Variants in FGGY observed in about 807,000 individuals in gnomAD.
The protein encoded by FGGY is FGGY carbohydrate kinase domain-containing protein.
In FGGY, 72 loss-of-function variants were observed where a neutral mutation model predicts 71.3. The observed-to-expected ratio is 1.01, with a 90% confidence interval of 0.84 to 1.23. The LOEUF (loss-of-function observed/expected upper bound fraction) is 1.23, where lower values mean the gene tolerates loss of function less well. FGGY is among the 50% of genes most tolerant of loss of function. The probability of loss-of-function intolerance (pLI) is 0.00; values close to 1 mark genes in which losing one functional copy is unlikely to be tolerated. For missense variants in FGGY, 668 were observed against 682.3 expected (o/e 0.98, Z 0.23); for synonymous variants, 251 against 250.3 (o/e 1.00, Z -0.02).
Position 59,457,009 on chromosome 1 carries a change from C to T in FGGY, c.603C>T (p.Gly201=). The T allele has an allele frequency of 6.2e-7, 1 of 1,614,108 alleles. No individual in the cohort carries two copies. The change falls in exon 6 of 16, where the codon GGC becomes GGT. Residue 201 remains glycine (G), a synonymous_variant. Coordinates refer to ENST00000303721, the MANE Select transcript of FGGY (RefSeq NM_018291.5). ...AGTGGACATATTCAGCAGAGAAAGG[C>T]TGGGACGACAGTTTCTGGAAAATGA... The part of the protein sequence containing the change: ...VCKWTYSAEK[G]WDDSFWKMIG...
At position 59,434,143 on chromosome 1, in the gene FGGY, C is replaced by T. The variant is rs577029509; in HGVS notation, c.555-22818C>T. ...CTAGTATGATTTACTATCAGTATAC[C>T]TTTTGCACCCAAGAAAACTCTACAG... On this transcript the variant is annotated intron_variant, in intron 5 of 15. Transcript: ENST00000303721. 8.3e-3 allele frequency among the ~76,000 whole-genome samples: 1,265 copies of T among 152,274 alleles called. 6 individuals are homozygous for T. Among genetic ancestry groups the T allele is most frequent in the Non-Finnish European group, 0.014 (926 of 68,024 alleles).
At position 59,462,901 on chromosome 1, in the gene FGGY, G is replaced by A. The variant is rs1192116965; in HGVS notation, c.670+5825G>A. On this transcript the variant is annotated intron_variant, in intron 6 of 15. Transcript: ENST00000303721. Reference sequence around the variant, plus strand: ...CAACCATTGTGGAAGTCAGTGTGGTGATTCCTCAGGGATCTAGAACTAGAA... The same window carrying A: ...CAACCATTGTGGAAGTCAGTGTGGTAATTCCTCAGGGATCTAGAACTAGAA... 1.5e-4 allele frequency among the ~76,000 whole-genome samples: 23 copies of A among 151,740 alleles called. 1 individual carries two copies. The Middle Eastern group carries it at 0.014, about 90-fold the overall frequency.
chr1:59,593,150 G>A (rs1039581673), intron 8 of FGGY, among the ~76,000 whole-genome samples: 6 of 152,172 alleles, frequency 3.9e-5, no homozygotes, highest in South Asian at 4.1e-4. Flanking sequence ...CACAAGAACC[G>A]TCAGCAGCAG....
In FGGY at chr1:59,516,105, A is replaced by T. The variant is rs571757654; in HGVS notation, c.799+3666A>T. On this transcript the variant is annotated intron_variant, in intron 7 of 15. Coordinates refer to ENST00000303721, the MANE Select transcript of FGGY (RefSeq NM_018291.5). ...TTATTATGCCTTCTTATGCCTTCTT[A>T]TGCCTCTTTCTTTACCCTTCACCTT... Among the ~76,000 whole-genome samples the T allele has an allele frequency of 3.7e-4, 52 of 141,764 alleles. No homozygotes were observed. The South Asian group carries it at 3.9e-3, about 11-fold the overall frequency. The allele number at this position is 141,764 out of a possible 152,430, so 93.0% of individuals were successfully genotyped here.
At chr1:59,638,708 T>G (rs564307407) in intron 11 of FGGY, among the ~76,000 whole-genome samples, 53 of 152,376 alleles carry the variant, frequency 3.5e-4, no homozygotes, top group African/African-American at 1.3e-3. Flanking sequence ...ATCTTTAGGT[T>G]GCCCAGTAAA....
chr1:59,325,197 CA>C (rs11439290), intron 2 of FGGY, among the ~76,000 whole-genome samples: 9 of 149,828 alleles, frequency 6.0e-5, no homozygotes, highest in Non-Finnish European at 8.9e-5. Flanking sequence ...ACTAAAAATA[CA>C]AAAAAAAAAT....
At chr1:59,664,622 C>T (rs1227563312) in intron 12 of FGGY, among the ~76,000 whole-genome samples, 1 of 152,176 alleles carries the variant, frequency 6.6e-6, no homozygotes, top group African/African-American at 2.4e-5. Context: ...ATTGCTTAGT[C>T]AAATTATATA....
At chr1:59,709,466 T>TCACACACACACACACACA (rs111353878) in intron 14 of FGGY, among the ~76,000 whole-genome samples, 3 of 142,664 alleles carry the variant, frequency 2.1e-5, no homozygotes, top group African/African-American at 7.9e-5. Context: ...TGAAACTATA[T>TCACACACACACACACACA]CACACACACA....
At chr1:59,375,515 T>C (rs1281198908) in intron 4 of FGGY, among the ~76,000 whole-genome samples, 2 of 152,168 alleles carry the variant, frequency 1.3e-5, no homozygotes, top group African/African-American at 4.8e-5. Context: ...TTATTTCTAG[T>C]TGCTCATCCC....
At chr1:59,436,314 T>C (rs2068457877) in intron 5 of FGGY, among the ~76,000 whole-genome samples, 1 of 152,174 alleles carries the variant, frequency 6.6e-6, no homozygotes, top group Admixed American at 6.5e-5. Context: ...TGTCTCTTCA[T>C]TGTCCCTGAA....
At chr1:59,392,740 A>C (rs1361914712) in intron 5 of FGGY, among the ~76,000 whole-genome samples, 3 of 151,934 alleles carry the variant, frequency 2.0e-5, no homozygotes, top group Non-Finnish European at 4.4e-5. Context: ...CTTCTTTTAA[A>C]ATTTTTCTTC....
chr1:59,483,490 T>C (rs1569818566), intron 6 of FGGY, among the ~76,000 whole-genome samples: 1 of 152,320 alleles, frequency 6.6e-6, no homozygotes, highest in African/African-American at 2.4e-5. Flanking sequence ...CTCTAGGATT[T>C]GTGATTATGA....
At chr1:59,644,625 C>A (rs1188093960) in intron 11 of FGGY, among the ~76,000 whole-genome samples, 1 of 151,898 alleles carries the variant, frequency 6.6e-6, no homozygotes, top group African/African-American at 2.4e-5. Flanking sequence ...ACGCCCCCCC[C>A]CACCCAAAGA....
intron 15 of FGGY, among the ~76,000 whole-genome samples, chr1:59,758,233 C>A (rs1223267242): frequency 1.3e-5 from 2 of 152,086 alleles, no homozygotes; most frequent in Non-Finnish European, 2.9e-5. Flanking sequence ...GTTCTTTTTC[C>A]CAGGTAATTG....
chr1:59,357,511 G>A (rs1371695697), intron 4 of FGGY, among the ~76,000 whole-genome samples: 1 of 152,128 alleles, frequency 6.6e-6, no homozygotes, highest in East Asian at 1.9e-4. Flanking sequence ...ATCAAATCTT[G>A]GTGAAGGTCC....
In FGGY at chr1:59,521,223, C is replaced by T. The variant is rs183643542; in HGVS notation, c.799+8784C>T. 1.1e-3 allele frequency among the ~76,000 whole-genome samples: 164 copies of T among 152,196 alleles called. 1 individual carries two copies. The highest frequency in any genetic ancestry group is 2.1e-3 in the South Asian group (10 of 4,816). Reference sequence around the variant, plus strand: ...TTTTAAGTTGAGGTTCGGTTTAATGCGACCCACTACTGCCTGAGACCTCGG... The same window carrying T: ...TTTTAAGTTGAGGTTCGGTTTAATGTGACCCACTACTGCCTGAGACCTCGG... On this transcript the variant is annotated intron_variant, in intron 7 of 15. Coordinates refer to ENST00000303721, the MANE Select transcript of FGGY (RefSeq NM_018291.5).
chr1:59,317,450 C>T (rs2045650443), intron 1 of FGGY, among the ~76,000 whole-genome samples: 1 of 152,172 alleles, frequency 6.6e-6, no homozygotes, highest in South Asian at 2.1e-4. Context: ...GATGATGATC[C>T]TTATCCTTGT....
At chr1:59,653,955 C>G (rs2097194922) in intron 11 of FGGY, among the ~76,000 whole-genome samples, 1 of 152,198 alleles carries the variant, frequency 6.6e-6, no homozygotes, top group Non-Finnish European at 1.5e-5. Context: ...TGGATCCAAC[C>G]AGAGAATCCA....
intron 6 of FGGY, among the ~76,000 whole-genome samples, chr1:59,479,993 C>T (rs570408490): frequency 6.6e-6 from 1 of 152,310 alleles, no homozygotes; most frequent in South Asian, 2.1e-4. Flanking sequence ...GTCTTAGGCT[C>T]CAAATACGTC....
Sources: gnomAD v4.1 joint callset for allele counts (sites outside exome capture counted in the v4.1 genomes callset) on GRCh38, gnomAD v4.1.1 for gene constraint, MANE v1.5 for transcripts, NCBI Gene and HGNC (gene_info 2026-07-23, HGNC 2026-07-21) for gene names.